The following SLC2A13 variants were observed in gnomAD, a reference collection of about 807,000 sequenced individuals.
SLC2A13 encodes solute carrier family 2 member 13, also known as proton myo-inositol cotransporter.
Under a neutral mutation model 64.4 loss-of-function variants are expected in SLC2A13, and 32 were observed. The ratio of observed to expected loss-of-function variants is 0.50; its 90% CI spans 0.37 to 0.67. The LOEUF (loss-of-function observed/expected upper bound fraction) is 0.67. Among genes scored for constraint, SLC2A13 ranks in the 30% least tolerant of loss-of-function variants. The pLI is 0.00. For missense variants in SLC2A13, 743 were observed against 829.2 expected (o/e 0.90, Z 1.28); for synonymous variants, 338 against 327.1 (o/e 1.03, Z -0.36).
At chr12:39,775,470 AG>A (rs2135732144) in intron 7 of SLC2A13, among the ~76,000 whole-genome samples, 1 of 152,372 alleles carries the variant, frequency 6.6e-6, no homozygotes, top group South Asian at 2.1e-4. Context: ...CTACGGGCTC[AG>A]AGGAGCCCTG....
In SLC2A13 at chr12:39,864,751, T is replaced by C. The variant is rs553534378; in HGVS notation, c.1319+11A>G. On this transcript the variant is annotated intron_variant, in intron 6 of 9. Coordinates refer to ENST00000280871, the MANE Select transcript of SLC2A13 (RefSeq NM_052885.4). ...GTCATGTAAAGGAAGAAGAACATAA[T>C]GGAATCTCACCTGTATCTTGTGCAA... The C allele has an allele frequency of 5.6e-6, 9 of 1,612,042 alleles. No individual in the cohort carries two copies. The highest frequency in any genetic ancestry group is 2.2e-5 in the East Asian group (1 of 44,860).
chr12:39,880,700 A>G lies in SLC2A13; in HGVS notation c.1035-8739T>C, dbSNP rs187620663. 3.4e-3 allele frequency among the ~76,000 whole-genome samples: 512 copies of G among 152,346 alleles called. 5 individuals carry two copies. The highest frequency in any genetic ancestry group is 2.9e-3 in the Non-Finnish European group (198 of 68,034). ...AATGGAACTTATAAGGGATTTCTAC[A>G]TATGCCAATGTTGCCAATGTGACCT... On this transcript the variant is annotated intron_variant, in intron 4 of 9. Transcript: ENST00000280871.
intron 1 of SLC2A13, among the ~76,000 whole-genome samples, chr12:40,064,759 G>C (rs899251044): frequency 1.7e-4 from 26 of 152,136 alleles, no homozygotes; most frequent in African/African-American, 6.3e-4. Context: ...AGTATTAGTG[G>C]TGAGAAGCAA....
intron 3 of SLC2A13, among the ~76,000 whole-genome samples, chr12:40,026,212 G>C (rs1024123655): frequency 1.3e-5 from 2 of 152,162 alleles, no homozygotes; most frequent in Admixed American, 1.3e-4. Context: ...TCCAGAAATG[G>C]ATAGGTTAAT....
chr12:39,833,352 T>TA (rs1942913245), intron 6 of SLC2A13, among the ~76,000 whole-genome samples: 1 of 152,072 alleles, frequency 6.6e-6, no homozygotes. Context: ...GCCCTTTTTT[T>TA]AAATTCCCTA....
At chr12:39,855,444 A>G (rs1319690425) in intron 6 of SLC2A13, among the ~76,000 whole-genome samples, 1 of 152,184 alleles carries the variant, frequency 6.6e-6, no homozygotes, top group Non-Finnish European at 1.5e-5. Flanking sequence ...GCCTTCTGTC[A>G]TGGCCCTGGG....
At chr12:39,993,336 A>T (rs899280977) in intron 3 of SLC2A13, among the ~76,000 whole-genome samples, 4 of 152,218 alleles carry the variant, frequency 2.6e-5, no homozygotes, top group Admixed American at 1.3e-4. Context: ...CTATTTTAGA[A>T]GCTAATAAAC....
At chr12:40,098,152 T>C (rs1939025663) in intron 1 of SLC2A13, among the ~76,000 whole-genome samples, 1 of 152,142 alleles carries the variant, frequency 6.6e-6, no homozygotes, top group African/African-American at 2.4e-5. Flanking sequence ...CACACACATA[T>C]ACACAATGGA....
chr12:39,899,392 T>C (rs1206264666), intron 4 of SLC2A13, among the ~76,000 whole-genome samples: 3 of 152,202 alleles, frequency 2.0e-5, no homozygotes, highest in African/African-American at 7.2e-5. Flanking sequence ...TTAGTCTTGC[T>C]AGCGGTCTAT....
intron 3 of SLC2A13, among the ~76,000 whole-genome samples, chr12:39,989,291 C>A (rs1413638557): frequency 2.6e-5 from 4 of 152,176 alleles, no homozygotes; most frequent in African/African-American, 9.7e-5. Flanking sequence ...CTTTCCTGGA[C>A]CAACCTATAA....
chr12:39,965,758 G>A (rs1026452987), intron 3 of SLC2A13, among the ~76,000 whole-genome samples: 3 of 152,096 alleles, frequency 2.0e-5, no homozygotes, highest in African/African-American at 7.2e-5. Flanking sequence ...GATCATAACT[G>A]TATTTGATTT....
intron 3 of SLC2A13, among the ~76,000 whole-genome samples, chr12:39,988,354 G>C (rs1290284515): frequency 6.6e-6 from 1 of 151,626 alleles, no homozygotes; most frequent in Non-Finnish European, 1.5e-5. Flanking sequence ...TTATTGCATT[G>C]TTTTAATTTA....
At chr12:39,778,149 G>A (rs1362359065) in intron 7 of SLC2A13, among the ~76,000 whole-genome samples, 5 of 152,152 alleles carry the variant, frequency 3.3e-5, no homozygotes, top group Admixed American at 3.3e-4. Context: ...CACACACCCT[G>A]CGAGGGGGAC....
At chr12:39,795,186 C>T (rs373484057) in intron 7 of SLC2A13, among the ~76,000 whole-genome samples, 10 of 152,048 alleles carry the variant, frequency 6.6e-5, no homozygotes, top group African/African-American at 2.2e-4. Flanking sequence ...ATCTTGATCT[C>T]CCCCCACCTC....
chr12:39,923,444 G>T (rs1292069792), intron 4 of SLC2A13, among the ~76,000 whole-genome samples: 1 of 151,950 alleles, frequency 6.6e-6, no homozygotes, highest in Non-Finnish European at 1.5e-5. Context: ...AAAGTATCTA[G>T]AATAGGCAAA....
At chr12:40,018,715 A>G (rs1947660270) in intron 3 of SLC2A13, among the ~76,000 whole-genome samples, 1 of 152,200 alleles carries the variant, frequency 6.6e-6, no homozygotes, top group Non-Finnish European at 1.5e-5. Context: ...TTGCGAGACA[A>G]TAATTGCATC....
chr12:39,979,549 G>A (rs1204670626), intron 3 of SLC2A13, among the ~76,000 whole-genome samples: 2 of 149,066 alleles, frequency 1.3e-5, no homozygotes, highest in African/African-American at 5.0e-5. Context: ...GAGCCGATGC[G>A]ATCAACTGGA....
Position 39,855,470 on chromosome 12 carries a change from A to C in SLC2A13, c.1319+9292T>G, listed in dbSNP as rs1256787294. On this transcript the variant is annotated intron_variant, in intron 6 of 9. Transcript: ENST00000280871. ...TGGCCCTGGGGAAATGAATTATGCC[A>C]GGTCATGCTCTGATACATCTATCAG... Among the ~76,000 whole-genome samples the C allele has an allele frequency of 6.6e-5, 10 of 152,218 alleles. 1 individual carries two copies. The highest frequency in any genetic ancestry group is 6.5e-4 in the Admixed American group (10 of 15,284).
intron 3 of SLC2A13, among the ~76,000 whole-genome samples, chr12:40,014,640 T>C (rs1947590940): frequency 6.6e-6 from 1 of 152,114 alleles, no homozygotes; most frequent in South Asian, 2.1e-4. Context: ...TACAGGCATA[T>C]GCCACCATGC....
Sources: gnomAD v4.1 joint callset for allele counts (sites outside exome capture counted in the v4.1 genomes callset) on GRCh38, gnomAD v4.1.1 for gene constraint, MANE v1.5 for transcripts, NCBI Gene and HGNC (gene_info 2026-07-23, HGNC 2026-07-21) for gene names.